Variants in IL1RAPL1 observed in about 807,000 individuals in gnomAD.
IL1RAPL1 encodes interleukin 1 receptor accessory protein like 1.
A neutral mutation model predicts 48.4 loss-of-function variants in IL1RAPL1; 3 were observed. The observed-to-expected ratio is 0.06, with a 90% CI of 0.03 to 0.16. The LOEUF (loss-of-function observed/expected upper bound fraction) is 0.16, where lower values mean the gene tolerates loss of function less well. Among genes scored for constraint, IL1RAPL1 ranks in the 10% least tolerant of loss-of-function variants. The pLI, the probability that IL1RAPL1 is intolerant of heterozygous loss-of-function variation, is 1.00. For missense variants in IL1RAPL1, 349 were observed against 530.6 expected, an observed-to-expected ratio of 0.66 and a Z score of 3.36; for synonymous variants, 185 against 187.7, an observed-to-expected ratio of 0.99 and a Z score of 0.12.
intron 5 of IL1RAPL1, among the ~76,000 whole-genome samples, chrX:29,534,883 G>A (rs1207637397): frequency 1.2e-4 from 13 of 108,992 alleles, no homozygotes; most frequent in African/African-American, 4.0e-4. Context: ...GCAGGAGAAT[G>A]GCGTGAACCC....
rs908575045 is a variant in IL1RAPL1, at chrX:29,409,556, A to C, written c.703+10248A>C. The stretch of plus-strand genomic sequence containing the variant: ...TCTTAATATACTAAATGGGTTGTTC[A>C]AAAATGTATGAATCAAATTAACATT... On this transcript the variant is annotated intron_variant, in intron 5 of 10. Transcript: ENST00000378993. 2.7e-5 allele frequency among the ~76,000 whole-genome samples: 3 copies of C among 111,394 alleles called. No homozygotes were observed. In the Admixed American group the frequency reaches 2.9e-4, roughly 11 times the overall value.
At chrX:29,618,733 T>A (rs1022395854) in intron 5 of IL1RAPL1, among the ~76,000 whole-genome samples, 1 of 111,713 alleles carries the variant, frequency 9.0e-6, no homozygotes, top group African/African-American at 3.3e-5. Context: ...TAGTCATGTC[T>A]AAAAAGTCCC....
At chrX:28,725,472 G>C (rs1276574030) in intron 1 of IL1RAPL1, among the ~76,000 whole-genome samples, 1 of 111,732 alleles carries the variant, frequency 8.9e-6, no homozygotes, top group South Asian at 3.7e-4. Flanking sequence ...AATTATGATA[G>C]ATATAACTCA....
intron 5 of IL1RAPL1, among the ~76,000 whole-genome samples, chrX:29,426,550 C>T (rs566021989): frequency 6.3e-5 from 7 of 111,487 alleles, no homozygotes; most frequent in Admixed American, 1.9e-4. Context: ...CTACCTAATA[C>T]GTGTAATGTT....
At chrX:28,793,623 G>T (rs1219082806) in intron 2 of IL1RAPL1, among the ~76,000 whole-genome samples, 1 of 111,073 alleles carries the variant, frequency 9.0e-6, no homozygotes, top group Non-Finnish European at 1.9e-5. Flanking sequence ...TTTTAAAATG[G>T]TGTATAAGAA....
intron 2 of IL1RAPL1, among the ~76,000 whole-genome samples, chrX:29,200,609 C>T (rs1930536587): frequency 9.0e-6 from 1 of 111,188 alleles, no homozygotes; most frequent in African/African-American, 3.3e-5. Context: ...AATGTTTTAT[C>T]ATAAATTCAG....
At chrX:29,662,564 A>C (rs1925876719) in intron 5 of IL1RAPL1, among the ~76,000 whole-genome samples, 1 of 112,071 alleles carries the variant, frequency 8.9e-6, no homozygotes, top group Non-Finnish European at 1.9e-5. Flanking sequence ...TAGAGAGGAA[A>C]TATTTTAAAA....
intron 2 of IL1RAPL1, among the ~76,000 whole-genome samples, chrX:29,022,526 T>A (rs1436533056): frequency 8.9e-6 from 1 of 112,103 alleles, no homozygotes; most frequent in African/African-American, 3.2e-5. Flanking sequence ...AAATAACTTT[T>A]AAGTTCCAAA....
intron 5 of IL1RAPL1, among the ~76,000 whole-genome samples, chrX:29,545,396 A>G (rs965941445): frequency 9.0e-6 from 1 of 111,555 alleles, no homozygotes; most frequent in Admixed American, 9.6e-5. Context: ...TCTTAAATGT[A>G]TATCCCAATG....
intron 1 of IL1RAPL1, among the ~76,000 whole-genome samples, chrX:28,635,350 C>T (rs964652244): frequency 9.0e-6 from 1 of 111,695 alleles, no homozygotes; most frequent in Non-Finnish European, 1.9e-5. Flanking sequence ...CAATGACTTA[C>T]GATGATTTGA....
chrX:28,708,197 G>A (rs1207144405), intron 1 of IL1RAPL1, among the ~76,000 whole-genome samples: 3 of 110,975 alleles, frequency 2.7e-5, no homozygotes, highest in African/African-American at 9.8e-5. Context: ...GAATGGGAGA[G>A]GTACTCTAGC....
At position 28,654,955 on chromosome X, in the gene IL1RAPL1, C is replaced by T. The variant is rs143179220; in HGVS notation, c.-25+66908C>T. 3.3e-4 allele frequency among the ~76,000 whole-genome samples: 37 copies of T among 111,349 alleles called. No homozygotes were observed. In the East Asian group the frequency reaches 9.3e-3, roughly 28 times the overall value. On this transcript the variant is annotated intron_variant, in intron 1 of 10. Transcript: ENST00000378993. ...TATCTGACTTGGGTGGGTCTTGAGT[C>T]TAGATAGAATAAAGCACTCTATCTT...
At chrX:29,648,586 CAAAT>C (rs1338223977) in intron 5 of IL1RAPL1, among the ~76,000 whole-genome samples, 1 of 111,112 alleles carries the variant, frequency 9.0e-6, no homozygotes, top group Non-Finnish European at 1.9e-5. Flanking sequence ...TTTTTTAAGA[CAAAT>C]AAAAATGGAA....
intron 1 of IL1RAPL1, among the ~76,000 whole-genome samples, chrX:28,686,330 A>G (rs761888503): frequency 8.9e-6 from 1 of 112,050 alleles, no homozygotes; most frequent in African/African-American, 3.2e-5. Flanking sequence ...TTTGATTATC[A>G]CCCACTTAAT....
chrX:29,633,468 T>TAC (rs200222696), intron 5 of IL1RAPL1, among the ~76,000 whole-genome samples: 8,830 of 97,638 alleles, frequency 0.09, 393 homozygotes, highest in East Asian at 0.24. Flanking sequence ...GATATATATA[T>TAC]ACACACACAC....
At chrX:29,937,492 G>A (rs186833575) in intron 8 of IL1RAPL1, among the ~76,000 whole-genome samples, 2 of 112,057 alleles carry the variant, frequency 1.8e-5, no homozygotes, top group African/African-American at 3.2e-5. Flanking sequence ...AATAGGTAGC[G>A]CATGTATTAA....
chrX:29,819,682 G>A (rs766493251), intron 6 of IL1RAPL1, among the ~76,000 whole-genome samples: 3 of 108,408 alleles, frequency 2.8e-5, no homozygotes, highest in Non-Finnish European at 5.7e-5. Flanking sequence ...TTATATTTCC[G>A]AAATGAAAAA....
intron 2 of IL1RAPL1, among the ~76,000 whole-genome samples, chrX:29,207,111 G>A (rs144104364): frequency 1.8e-3 from 197 of 111,227 alleles, no homozygotes; most frequent in Middle Eastern, 9.3e-3. Context: ...GAATGGTACT[G>A]CACGGCTAAA....
chrX:28,970,113 G>A (rs1051491361), intron 2 of IL1RAPL1, among the ~76,000 whole-genome samples: 1 of 111,426 alleles, frequency 9.0e-6, no homozygotes, highest in Non-Finnish European at 1.9e-5. Context: ...TGATTCTCCT[G>A]CCTCAGCCTC....
Sources: gnomAD v4.1 joint callset for allele counts (sites outside exome capture counted in the v4.1 genomes callset) on GRCh38, gnomAD v4.1.1 for gene constraint, MANE v1.5 for transcripts, NCBI Gene and HGNC (gene_info 2026-07-23, HGNC 2026-07-21) for gene names.